ARHGAP11B: variants seen among roughly 807,000 people sequenced by gnomAD.
The protein encoded by ARHGAP11B is Rho GTPase activating protein 11B.
In ARHGAP11B, 14 loss-of-function variants were observed where a neutral mutation model predicts 27.6. That is an observed-to-expected ratio of 0.51 (90% CI 0.34 to 0.79). The LOEUF is 0.79. Among genes scored for constraint, ARHGAP11B ranks in the 30% least tolerant of loss-of-function variants. The probability of loss-of-function intolerance (pLI) is 0.02; values close to 1 mark genes in which losing one functional copy is unlikely to be tolerated. For synonymous variants in ARHGAP11B, 82 were observed against 114.1 expected, an observed-to-expected ratio of 0.72 and a Z score of 1.80; for missense variants, 245 against 320.1, an observed-to-expected ratio of 0.77 and a Z score of 1.79.
chr15:30,633,368 T>C (rs2060257572), intron 2 of ARHGAP11B, 122 bp from the exon 3 acceptor site: 2 of 735,602 alleles, frequency 2.7e-6, no homozygotes, highest in Non-Finnish European at 2.1e-6. Context: ...TCTCAAAGAC[T>C]ACAGAGATTT....
intron 1 of ARHGAP11B, among the ~76,000 whole-genome samples, chr15:30,630,370 G>A (rs2060236797): frequency 6.6e-6 from 1 of 151,816 alleles, no homozygotes; most frequent in South Asian, 2.1e-4. Flanking sequence ...GTAAATGTTA[G>A]TGTTTTGGAC....
At chr15:30,646,127 AT>A (rs1317914543) in exon 9 of ARHGAP11B, 44 of 1,012,502 alleles carry the variant, frequency 4.3e-5, no homozygotes, top group Non-Finnish European at 4.9e-5. Context: ...ATAAGTTATA[AT>A]TTCTGAAAGA....
rs562292393 is a variant in ARHGAP11B at position 30,638,674 on chromosome 15, A to G, written c.*4-72A>G. 1.8e-4 allele frequency: 174 copies of G among 956,024 alleles called. 3 individuals carry two copies. Among genetic ancestry groups the G allele is most frequent in the Non-Finnish European group, 2.5e-4 (163 of 651,632 alleles). The allele number at this position is 956,024 out of a possible 1,614,324, so 59.2% of individuals were successfully genotyped here. A position where few individuals can be genotyped will look rare whatever the true frequency, so the allele number is the denominator to read the frequency against. On this transcript the variant is annotated intron_variant, in intron 6 of 10. Transcript: ENST00000428041. ...AAGTTACATGTTGAAAGAAGACCGC[A>G]AATATTAATATGAATTATTGGTGAA...
At chr15:30,634,965 A>G (rs1000819585) in intron 4 of ARHGAP11B, 115 bp from the exon 5 acceptor site, 5 of 1,146,582 alleles carry the variant, frequency 4.4e-6, no homozygotes, top group Admixed American at 2.2e-5. Flanking sequence ...AAGGGTAACT[A>G]TTTTGACTTG....
intron 9 of ARHGAP11B, among the ~76,000 whole-genome samples, chr15:30,646,925 C>T (rs544461058): frequency 1.3e-5 from 2 of 151,362 alleles, no homozygotes; most frequent in East Asian, 3.9e-4. Flanking sequence ...GCCGAGATTG[C>T]GGCATTGCAC....
chr15:30,633,665 A>G lies in ARHGAP11B; in HGVS notation c.297+79A>G, dbSNP rs2060260023. ...TTTTAAAACTGAAATATTTAGAACTATTAATATGAATAGTTGACAGAAATT... is the reference window on the plus strand; with the variant it reads ...TTTTAAAACTGAAATATTTAGAACTGTTAATATGAATAGTTGACAGAAATT... On this transcript the variant is annotated intron_variant, in intron 3 of 10. Transcript: ENST00000428041. 2.6e-6 allele frequency: 3 copies of G among 1,171,528 alleles called. No individual in the cohort carries two copies. The South Asian group carries it at 4.9e-5, about 19-fold the overall frequency. 72.6% of individuals were successfully genotyped at this position (1,171,528 alleles called of 1,614,324 possible).
intron 9 of ARHGAP11B, among the ~76,000 whole-genome samples, chr15:30,646,700 T>TGG (rs2060350891): frequency 6.7e-6 from 1 of 149,132 alleles, no homozygotes; most frequent in Non-Finnish European, 1.5e-5. Context: ...CCAGGCGCAG[T>TGG]GGCTCATGCC....
At chr15:30,628,724 T>A (rs1305799663) in intron 1 of ARHGAP11B, among the ~76,000 whole-genome samples, 2 of 152,098 alleles carry the variant, frequency 1.3e-5, no homozygotes, top group African/African-American at 4.8e-5. Flanking sequence ...ATGTAGAAGA[T>A]CATTGTGTTA....
chr15:30,637,816 CTTTTT>C (rs398026724), intron 6 of ARHGAP11B, among the ~76,000 whole-genome samples: 18 of 103,036 alleles, frequency 1.7e-4, no homozygotes, highest in African/African-American at 5.4e-4. Context: ...TTAAGGCTCA[CTTTTT>C]TTTTTTTTTT....
Position 30,638,731 on chromosome 15 carries a change from T to C in ARHGAP11B, c.*4-15T>C. 1 of 1,438,504 alleles carries C rather than the reference T, an allele frequency of 7.0e-7. No homozygotes were observed. The highest frequency in any genetic ancestry group is 9.4e-7 in the Non-Finnish European group (1 of 1,068,250). 89.1% of individuals were successfully genotyped at this position (1,438,504 alleles called of 1,614,324 possible). On this transcript the variant is annotated splice_polypyrimidine_tract_variant and intron_variant, in intron 6 of 10. Coordinates refer to ENST00000428041, the Ensembl canonical transcript of ARHGAP11B. ...GTAAATGTGAAGTTGTAATTGCTTA[T>C]GTCTTGCATTTCAGATTTTGTTAGT...
At chr15:30,644,562 T>G in intron 7 of ARHGAP11B, 1 of 800,884 alleles carries the variant, frequency 1.2e-6, no homozygotes, top group Non-Finnish European at 2.0e-6. Context: ...TGATTTATTA[T>G]CTGATATAAG....
At chr15:30,632,732 T>C (rs1232872371) in intron 2 of ARHGAP11B, among the ~76,000 whole-genome samples, 1 of 151,562 alleles carries the variant, frequency 6.6e-6, no homozygotes, top group Non-Finnish European at 1.5e-5. Context: ...ACATTCCCCT[T>C]AATATGAAAA....
intron 9 of ARHGAP11B, chr15:30,646,381 C>G (rs2060348055): frequency 4.2e-6 from 1 of 238,378 alleles, no homozygotes; most frequent in Non-Finnish European, 6.9e-6. Flanking sequence ...TTTGATTTAA[C>G]TACCATGAAA....
Position 30,635,026 on chromosome 15 carries a change from C to G in ARHGAP11B, c.552-54C>G. The G allele has an allele frequency of 2.6e-6, 4 of 1,559,500 alleles. No homozygotes were observed. The East Asian group carries it at 6.7e-5, about 26-fold the overall frequency. On this transcript the variant is annotated intron_variant, in intron 4 of 10. Coordinates refer to ENST00000428041, the Ensembl canonical transcript of ARHGAP11B. ...AAATGTACTACATACGTTATTTTAA[C>G]TCTTCTGTATTTTCACGTTTGGCTC...
chr15:30,644,210 C>G (rs2060332051), intron 7 of ARHGAP11B, among the ~76,000 whole-genome samples: 1 of 151,808 alleles, frequency 6.6e-6, no homozygotes, highest in Admixed American at 6.6e-5. Flanking sequence ...TGTTGTTTAT[C>G]AAATGTTTGT....
At chr15:30,628,221 C>T (rs2060222266) in intron 1 of ARHGAP11B, among the ~76,000 whole-genome samples, 1 of 151,878 alleles carries the variant, frequency 6.6e-6, no homozygotes, top group Non-Finnish European at 1.5e-5. Context: ...GCTGGAACTA[C>T]AGGCGTCCGC....
chr15:30,631,731 A>G (rs1263602682), intron 2 of ARHGAP11B, among the ~76,000 whole-genome samples: 3 of 152,182 alleles, frequency 2.0e-5, no homozygotes, highest in Admixed American at 1.3e-4. Context: ...GTGAAAATGT[A>G]TTATGTATCA....
intron 7 of ARHGAP11B, among the ~76,000 whole-genome samples, chr15:30,640,473 A>G (rs1400787206): frequency 5.2e-5 from 7 of 133,842 alleles, no homozygotes; most frequent in African/African-American, 1.7e-4. Context: ...TGGCTCTTTT[A>G]GCATATACAG....
chr15:30,630,818 G>T (rs770595672), intron 2 of ARHGAP11B, 45 bp downstream of exon 2: 2 of 1,606,370 alleles, frequency 1.2e-6, no homozygotes, highest in Admixed American at 1.7e-5. Flanking sequence ...AGTGGCATAT[G>T]CCTGTAACCC....
Sources: gnomAD v4.1 joint callset for allele counts (sites outside exome capture counted in the v4.1 genomes callset) on GRCh38, gnomAD v4.1.1 for gene constraint, MANE v1.5 for transcripts, NCBI Gene and HGNC (gene_info 2026-07-23, HGNC 2026-07-21) for gene names.